Variants in ABTB1 observed in about 807,000 individuals in gnomAD.
ABTB1 encodes the protein ankyrin repeat and BTB/POZ domain-containing protein 1.
ABTB1 carries 45 observed loss-of-function variants against 57.1 expected under a neutral mutation model. The ratio of observed to expected loss-of-function variants is 0.79; its 90% CI spans 0.62 to 1.01. ABTB1 has a LOEUF of 1.01. ABTB1 is among the 50% of genes least tolerant of loss of function. The pLI is 0.00. For synonymous variants in ABTB1, 302 were observed against 275.4 expected, an observed-to-expected ratio of 1.10 and a Z score of -0.95; for missense variants, 630 against 666.3, an observed-to-expected ratio of 0.95 and a Z score of 0.60.
At chr3:127,678,498 T>A (rs567672506) in intron 10 of ABTB1, 2 of 152,654 alleles carry the variant, frequency 1.3e-5, no homozygotes, top group East Asian at 3.9e-4. Context: ...AAAAACCTTT[T>A]CTCTGAAGGT....
In ABTB1 at chr3:127,676,836, C is replaced by A; in HGVS notation, c.527-131C>A. ...TGTAGAACAGCTTTTGATGGGGAAA[C>A]CATGGTGGCAAGTGGGCCCAGGAGT... On this transcript the variant is annotated intron_variant, in intron 6 of 11. Transcript: ENST00000232744. The surrounding 1 kb of genome is among the most constrained non-coding windows in gnomAD (Gnocchi z 5.4). 1 of 968,142 alleles carries A rather than the reference C, an allele frequency of 1.0e-6. No individual in the cohort carries two copies. Among genetic ancestry groups the A allele is most frequent in the Non-Finnish European group, 1.5e-6 (1 of 654,866 alleles). The allele number at this position is 968,142 out of a possible 1,614,324, so 60.0% of individuals were successfully genotyped here. A position where few individuals can be genotyped will look rare whatever the true frequency, so the allele number is the denominator to read the frequency against.
At chr3:127,678,788 T>G (rs1165975455) in intron 10 of ABTB1, 2 of 152,248 alleles carry the variant, frequency 1.3e-5, no homozygotes, top group Non-Finnish European at 2.9e-5. Context: ...CCACCGGAAA[T>G]TGCACCACTT....
rs1000365043 is a variant in ABTB1, at chr3:127,680,872, A to C, written c.*397A>C. ...GTTCCCATGCACAGGGCCATTCAGG[A>C]AGGGCTGGGGGAGTGTGTGTGGCAA... On this transcript the variant is annotated 3_prime_UTR_variant, in exon 12 of 12. Transcript: ENST00000232744. The C allele has an allele frequency of 4.9e-5, 28 of 576,126 alleles. No homozygotes were observed. Among genetic ancestry groups the C allele is most frequent in the South Asian group, 4.0e-4 (17 of 43,028 alleles). The allele number at this position is 576,126 out of a possible 1,614,324, so 35.7% of individuals were successfully genotyped here.
In ABTB1 at chr3:127,674,675, G is replaced by C. The variant is rs543867724; in HGVS notation, c.175+75G>C. On this transcript the variant is annotated intron_variant, in intron 3 of 11. Coordinates refer to ENST00000232744, the MANE Select transcript of ABTB1 (RefSeq NM_172027.3). ...TGCGTGTGGGTGCATGCATGCGTGC[G>C]TGCATTCAAAGGCCTTGATACACAT... 4.6e-6 allele frequency: 7 copies of C among 1,527,650 alleles called. No homozygotes were observed. In the South Asian group the frequency reaches 5.6e-5, roughly 12 times the overall value. 94.6% of individuals were successfully genotyped at this position (1,527,650 alleles called of 1,614,324 possible). A position where few individuals can be genotyped will look rare whatever the true frequency, so the allele number is the denominator to read the frequency against.
rs1400363051 is a variant in ABTB1 at position 127,674,553 on chromosome 3, C to T, written c.128C>T (p.Ala43Val). The change falls in exon 3 of 12, where the codon GCC becomes GTC. Residue 43 changes from alanine to valine, a missense_variant. Ala to Val is a moderately conservative substitution (Grantham distance 64, BLOSUM62 0). Around this residue, in one of 3 missense-constraint regions of ABTB1, gnomAD observed 579 missense variants for 585.9 expected, o/e 0.99. Transcript: ENST00000232744. Reference sequence around the variant, plus strand: ...TTCCTTCCTCCCTTCAGGTACTATGCCTGCTTGTGTGGGCACGAGGAGCTG... The same window carrying T: ...TTCCTTCCTCCCTTCAGGTACTATGTCTGCTTGTGTGGGCACGAGGAGCTG... ...DKWDSTPLYY[A>V]CLCGHEELVL... 1 of 1,614,192 alleles carries T rather than the reference C, an allele frequency of 6.2e-7. No homozygotes were observed. Among genetic ancestry groups the T allele is most frequent in the Admixed American group, 1.7e-5 (1 of 60,030 alleles).
intron 10 of ABTB1, 135 bp downstream of exon 10, chr3:127,677,978 A>G (rs1576449219): frequency 1.7e-6 from 2 of 1,172,882 alleles, no homozygotes; most frequent in Admixed American, 2.7e-5. Context: ...GCTGGAGGGG[A>G]AGGCTGTGGG....
In ABTB1 at chr3:127,676,870, T is replaced by C; in HGVS notation, c.527-97T>C. 4.0e-6 allele frequency: 5 copies of C among 1,258,986 alleles called. No individual in the cohort carries two copies. In the South Asian group the frequency reaches 6.8e-5, roughly 17 times the overall value. The allele number at this position is 1,258,986 out of a possible 1,614,324, so 78.0% of individuals were successfully genotyped here. A position where few individuals can be genotyped will look rare whatever the true frequency, so the allele number is the denominator to read the frequency against. On this transcript the variant is annotated intron_variant, in intron 6 of 11. Transcript: ENST00000232744. The surrounding 1 kb of genome is among the most constrained non-coding windows in gnomAD (Gnocchi z 5.4). ...CAAGTGGGCCCAGGAGTCCTAGTCC[T>C]GCAGCCAGGTGGCCAGGTGGGAGGG...
chr3:127,675,080 A>T (rs2074946932), intron 3 of ABTB1, among the ~76,000 whole-genome samples: 2 of 151,958 alleles, frequency 1.3e-5, no homozygotes, highest in South Asian at 4.1e-4. Context: ...TGTGCTATGC[A>T]TGCCCCTGTT....
rs1353069194 is a variant in ABTB1, at chr3:127,679,901, C to G, written c.1030-84C>G. 4 of 1,419,982 alleles carry G rather than the reference C, an allele frequency of 2.8e-6. No homozygotes were observed. The East Asian group carries it at 6.9e-5, about 24-fold the overall frequency. The allele number at this position is 1,419,982 out of a possible 1,614,324, so 88.0% of individuals were successfully genotyped here. ...AGCCTTCCCGCCAGTGCCCCCCAAC[C>G]ACCACAGGCCCTAGCCTTGGCTGTT... On this transcript the variant is annotated intron_variant, in intron 10 of 11. Coordinates refer to ENST00000232744, the MANE Select transcript of ABTB1 (RefSeq NM_172027.3).
At position 127,676,038 on chromosome 3, in the gene ABTB1, C is replaced by T. The variant is rs781367530; in HGVS notation, c.244C>T (p.Arg82Cys). Residue 82 changes from arginine to cysteine, a missense_variant, in exon 4 of 12, where the codon CGC (arginine) becomes TGC (cysteine). This residue lies in a region of ABTB1 where 579 missense variants were observed against 585.9 expected (regional missense o/e 0.99). Coordinates refer to ENST00000232744, the MANE Select transcript of ABTB1 (RefSeq NM_172027.3). This position sits in a 1 kb window ranked among gnomAD's most constrained non-coding sequence, Gnocchi z 5.4. ...CLYGALSDPI[R>C]RALRDYKQVT... ...CTATGGGGCACTGAGTGACCCCATCCGCCGGGCTCTACGCGATTACAAGCA... is the reference window on the plus strand; with the variant it reads ...CTATGGGGCACTGAGTGACCCCATCTGCCGGGCTCTACGCGATTACAAGCA... 15 of 1,612,930 alleles carry T rather than the reference C, an allele frequency of 9.3e-6. No individual in the cohort carries two copies. The highest frequency in any genetic ancestry group is 8.9e-5 in the East Asian group (4 of 44,872).
At chr3:127,677,428 C>T (rs2075011953) in intron 8 of ABTB1, 37 bp from the exon 9 acceptor site, 1 of 1,609,570 alleles carries the variant, frequency 6.2e-7, no homozygotes, top group African/African-American at 1.3e-5. Context: ...CTTCTGTGAA[C>T]AACTGCTCTG....
chr3:127,676,587 C>A lies in ABTB1; in HGVS notation c.526+6C>A. ...GCTGCAGTACCTGTACACAGGTGAC[C>A]CCCTGGGTCCAGGGTAGGAGGAGAG... is the stretch of plus-strand genomic sequence containing the variant. On this transcript the variant is annotated splice_donor_region_variant and intron_variant, in intron 6 of 11. Coordinates refer to ENST00000232744, the MANE Select transcript of ABTB1 (RefSeq NM_172027.3). The surrounding 1 kb of genome is among the most constrained non-coding windows in gnomAD (Gnocchi z 5.4). 10 of 1,613,596 alleles carry A rather than the reference C, an allele frequency of 6.2e-6. No individual in the cohort carries two copies. The highest frequency in any genetic ancestry group is 7.6e-6 in the Non-Finnish European group (9 of 1,179,948).
rs1316671688 is a variant in ABTB1 at position 127,675,881 on chromosome 3, A to C, written c.176-89A>C. ...GGCATCGCCAGAGATTCGGAGCCCC[A>C]TGTGTGGGAAGGTGGGGAGGAGGGA... On this transcript the variant is annotated intron_variant, in intron 3 of 11. Transcript: ENST00000232744. 5.9e-6 allele frequency: 9 copies of C among 1,523,378 alleles called. No homozygotes were observed. The East Asian group carries it at 1.7e-4, about 28-fold the overall frequency. The allele number at this position is 1,523,378 out of a possible 1,614,324, so 94.4% of individuals were successfully genotyped here.
chr3:127,679,479 C>T, intron 10 of ABTB1: 2 of 456,078 alleles, frequency 4.4e-6, no homozygotes, highest in Admixed American at 2.4e-5. Flanking sequence ...CCCACAGCCT[C>T]TTGAGAGGGA....
rs761636838 is a variant in ABTB1, at chr3:127,680,500, G to A, written c.*25G>A. 1.4e-5 allele frequency: 22 copies of A among 1,595,866 alleles called. No individual in the cohort carries two copies. The highest frequency in any genetic ancestry group is 8.9e-5 in the South Asian group (8 of 90,070). ...AGCCCCTGGCTGGGCAGCCCCAGGG[G>A]CCAGGAGCTCTCTTGGAGACAAGCA... On this transcript the variant is annotated 3_prime_UTR_variant, in exon 12 of 12. Coordinates refer to ENST00000232744, the MANE Select transcript of ABTB1 (RefSeq NM_172027.3).
Position 127,673,189 on chromosome 3 carries a change from C to T in ABTB1, c.56+108C>T, listed in dbSNP as rs906545607. 3.0e-5 allele frequency: 36 copies of T among 1,208,044 alleles called. No individual in the cohort carries two copies. In the East Asian group the frequency reaches 5.5e-4, roughly 19 times the overall value. The allele number at this position is 1,208,044 out of a possible 1,614,324, so 74.8% of individuals were successfully genotyped here. A position where few individuals can be genotyped will look rare whatever the true frequency, so the allele number is the denominator to read the frequency against. On this transcript the variant is annotated intron_variant, in intron 1 of 11. Transcript: ENST00000232744. ...GCCGCGGAGAGGCGGGCGCCTCTGC[C>T]GGGTCACAGCCCTCGGAGCGCCCCC...
At position 127,677,791 on chromosome 3, in the gene ABTB1, C is replaced by T. The variant is rs144241137; in HGVS notation, c.977C>T (p.Ser326Leu). ...GPPAVTLHGI[S>L]PDVFTHVLYY... ...CCAGCCGTCACCCTGCATGGCATCT[C>T]ACCCGACGTCTTCACTCACGTGCTC... The change falls in exon 10 of 12, where the codon TCA (serine) becomes TTA (leucine). Residue 326 changes from serine to leucine, a missense_variant. Ser to Leu is a moderately radical substitution (Grantham distance 145). Transcript: ENST00000232744. 2.6e-5 allele frequency: 42 copies of T among 1,612,656 alleles called. No homozygotes were observed. The highest frequency in any genetic ancestry group is 3.2e-5 in the Non-Finnish European group (38 of 1,179,646).
At position 127,680,138 on chromosome 3, in the gene ABTB1, C is replaced by T. The variant is rs751809260; in HGVS notation, c.1183C>T (p.Arg395Trp). ...CGTGGCCAAGCTCTTCCGCCTGGCGCGGCTTGAGGACCAGTGCACTGAGTA... is the reference window on the plus strand; with the variant it reads ...CGTGGCCAAGCTCTTCCGCCTGGCGTGGCTTGAGGACCAGTGCACTGAGTA... ...WRVAKLFRLA[R>W]LEDQCTEYMA... Residue 395 changes from arginine to tryptophan, a missense_variant, in exon 11 of 12, where the codon CGG becomes TGG. Coordinates refer to ENST00000232744, the MANE Select transcript of ABTB1 (RefSeq NM_172027.3). 2.5e-5 allele frequency: 41 copies of T among 1,613,810 alleles called. No homozygotes were observed. Among genetic ancestry groups the T allele is most frequent in the Admixed American group, 3.3e-5 (2 of 60,012 alleles).
At chr3:127,678,010 T>C (rs1295996888) in intron 10 of ABTB1, 167 bp downstream of exon 10, 3 of 872,000 alleles carry the variant, frequency 3.4e-6, no homozygotes, top group Non-Finnish European at 5.1e-6. Context: ...TTCTTTCAGG[T>C]AGAGGAAGCC....
Sources: allele counts gnomAD v4.1 joint callset (sites outside exome capture counted in the v4.1 genomes callset), GRCh38; gene constraint gnomAD v4.1.1; regional missense constraint gnomAD v4.1.1; non-coding constraint Gnocchi (gnomAD v3.1); transcripts MANE v1.5; gene names NCBI Gene and HGNC (gene_info 2026-07-23, HGNC 2026-07-21).